GTF2H1: variants seen among roughly 807,000 people sequenced by gnomAD.
The protein encoded by GTF2H1 is BTF2 p62.
Under a neutral mutation model 71.2 loss-of-function variants are expected in GTF2H1, and 16 were observed. The observed-to-expected ratio is 0.22, with a 90% CI of 0.15 to 0.34. The LOEUF (loss-of-function observed/expected upper bound fraction) is 0.34, where lower values mean the gene tolerates loss of function less well. Among genes scored for constraint, GTF2H1 ranks in the 10% least tolerant of loss-of-function variants. GTF2H1 has a pLI of 1.00. For missense variants in GTF2H1, 498 were observed against 648.2 expected, an observed-to-expected ratio of 0.77 and a Z score of 2.52; for synonymous variants, 215 against 219.0, an observed-to-expected ratio of 0.98 and a Z score of 0.16.
chr11:18,333,555 T>G (rs4150563), intron 2 of GTF2H1: 27,388 of 174,586 alleles, frequency 0.16, 2,845 homozygotes, highest in Non-Finnish European at 0.22. Flanking sequence ...TTTCCAGAAT[T>G]TTTTTATTGC....
chr11:18,356,090 A>G (rs1023825081), intron 11 of GTF2H1, among the ~76,000 whole-genome samples: 14 of 152,100 alleles, frequency 9.2e-5, no homozygotes, highest in Non-Finnish European at 1.5e-4. Flanking sequence ...CAAGGTAGGA[A>G]CCAAGATCTG....
chr11:18,352,523 C>T (rs898805190), intron 11 of GTF2H1, 77 bp downstream of exon 11: 2 of 637,396 alleles, frequency 3.1e-6, no homozygotes, highest in Non-Finnish European at 5.7e-6. Flanking sequence ...CAGATTGAAC[C>T]ATACAACTAA....
intron 1 of GTF2H1, among the ~76,000 whole-genome samples, chr11:18,327,968 G>A (rs1204258125): frequency 6.6e-6 from 1 of 152,146 alleles, no homozygotes; most frequent in African/African-American, 2.4e-5. Context: ...CAGCACTTTG[G>A]GAGACTGAGG....
chr11:18,358,322 T>C (rs566388262), intron 12 of GTF2H1, among the ~76,000 whole-genome samples: 2 of 152,346 alleles, frequency 1.3e-5, no homozygotes, highest in East Asian at 3.9e-4. Context: ...AGGGGAAACC[T>C]GAAAGTTTCT....
At chr11:18,336,970 C>T (rs542793782) in intron 3 of GTF2H1, among the ~76,000 whole-genome samples, 1 of 152,104 alleles carries the variant, frequency 6.6e-6, no homozygotes, top group Non-Finnish European at 1.5e-5. Context: ...AGGCTGGTCT[C>T]AAACTCCTGA....
chr11:18,356,934 G>C lies in GTF2H1; in HGVS notation c.1261-1018G>C, dbSNP rs2133986587. 2.0e-5 allele frequency among the ~76,000 whole-genome samples: 3 copies of C among 151,790 alleles called. 1 individual carries two copies. The highest frequency in any genetic ancestry group is 7.3e-5 in the African/African-American group (3 of 41,376). On this transcript the variant is annotated intron_variant, in intron 11 of 14. Coordinates refer to ENST00000265963, the MANE Select transcript of GTF2H1 (RefSeq NM_005316.4). ...GCCTCCCAAGTAGCTAGGACTACAG[G>C]CATGCACCACCATGCCCAACTAATT...
At chr11:18,323,399 C>A (rs917171630) in intron 1 of GTF2H1, among the ~76,000 whole-genome samples, 1 of 151,914 alleles carries the variant, frequency 6.6e-6, no homozygotes, top group South Asian at 2.1e-4. Flanking sequence ...TGGGCTCAAG[C>A]GATTCTCCTG....
rs1476558141 is a variant in GTF2H1, at chr11:18,333,321, A to G, written c.154+93A>G. 3 of 931,148 alleles carry G rather than the reference A, an allele frequency of 3.2e-6. No homozygotes were observed. In the East Asian group the frequency reaches 8.2e-5, roughly 25 times the overall value. 57.7% of individuals were successfully genotyped at this position (931,148 alleles called of 1,614,324 possible). ...TATATAAATCTTTATTTTATATCAAAAAATCAACTATGTAGAAATAATTAC... is the reference window on the plus strand; with the variant it reads ...TATATAAATCTTTATTTTATATCAAGAAATCAACTATGTAGAAATAATTAC... On this transcript the variant is annotated intron_variant, in intron 2 of 14. Coordinates refer to ENST00000265963, the MANE Select transcript of GTF2H1 (RefSeq NM_005316.4).
chr11:18,347,170 C>G (rs1341834657), intron 7 of GTF2H1: 1 of 155,386 alleles, frequency 6.4e-6, no homozygotes, highest in African/African-American at 2.4e-5. Context: ...GTCAGGAGTT[C>G]AAGACCAGTC....
chr11:18,341,194 T>C (rs1355009854), intron 5 of GTF2H1, 67 bp from the exon 6 acceptor site: 1 of 1,239,248 alleles, frequency 8.1e-7, no homozygotes, highest in East Asian at 2.4e-5. Context: ...TGTATTTCAG[T>C]TACCTAATTT....
chr11:18,353,821 A>G (rs4150656), intron 11 of GTF2H1, among the ~76,000 whole-genome samples: 6,568 of 152,154 alleles, frequency 0.043, 475 homozygotes, highest in African/African-American at 0.15. Context: ...ATTTCCCTTT[A>G]CCCCTAAATA....
intron 11 of GTF2H1, among the ~76,000 whole-genome samples, chr11:18,355,827 A>G (rs1482066742): frequency 1.3e-5 from 2 of 152,210 alleles, no homozygotes; most frequent in African/African-American, 4.8e-5. Context: ...TGATAAACAC[A>G]TGCTGTTGTG....
chr11:18,357,817 C>T lies in GTF2H1; in HGVS notation c.1261-135C>T, dbSNP rs575458608. On this transcript the variant is annotated intron_variant, in intron 11 of 14. Coordinates refer to ENST00000265963, the MANE Select transcript of GTF2H1 (RefSeq NM_005316.4). ...CAAGGAAAATAGTTCACTTTGACCA[C>T]TGTAAATGATGTAGTATTTAAACAA... is the stretch of plus-strand genomic sequence containing the variant. The T allele has an allele frequency of 1.9e-4, 133 of 695,624 alleles. 1 individual carries two copies. The African/African-American group carries it at 1.9e-3, about 10-fold the overall frequency. 43.1% of individuals were successfully genotyped at this position (695,624 alleles called of 1,614,324 possible). A position where few individuals can be genotyped will look rare whatever the true frequency, so the allele number is the denominator to read the frequency against.
chr11:18,332,857 A>G (rs1864932656), intron 1 of GTF2H1: 1 of 430,270 alleles, frequency 2.3e-6, no homozygotes, highest in Non-Finnish European at 4.1e-6. Flanking sequence ...CACCTGTGGT[A>G]TGAGCAAAAT....
intron 11 of GTF2H1, among the ~76,000 whole-genome samples, chr11:18,356,667 C>T (rs1865555676): frequency 2.0e-5 from 3 of 152,078 alleles, no homozygotes; most frequent in Admixed American, 2.0e-4. Context: ...TTACTGCAAC[C>T]TTGAACTCCT....
At chr11:18,343,755 C>A (rs1294247289) in intron 7 of GTF2H1, among the ~76,000 whole-genome samples, 1 of 152,166 alleles carries the variant, frequency 6.6e-6, no homozygotes, top group Non-Finnish European at 1.5e-5. Flanking sequence ...ATAAACGTAT[C>A]TCCATGGGTA....
At position 18,366,070 on chromosome 11, in the gene GTF2H1, T is replaced by G. The variant is rs1865817595; in HGVS notation, c.*201T>G. The G allele has an allele frequency of 1.7e-6, 1 of 578,656 alleles. No homozygotes were observed. The highest frequency in any genetic ancestry group is 3.1e-6 in the Non-Finnish European group (1 of 324,206). 35.8% of individuals were successfully genotyped at this position (578,656 alleles called of 1,614,324 possible). A position where few individuals can be genotyped will look rare whatever the true frequency, so the allele number is the denominator to read the frequency against. ...AAGAAGGGACTAAATGCTGGGGAGG[T>G]AAATTAAGACAGAACCAAATGAGCT... On this transcript the variant is annotated 3_prime_UTR_variant, in exon 15 of 15. Coordinates refer to ENST00000265963, the MANE Select transcript of GTF2H1 (RefSeq NM_005316.4).
intron 1 of GTF2H1, among the ~76,000 whole-genome samples, chr11:18,326,579 A>C (rs1037259729): frequency 2.0e-5 from 3 of 151,530 alleles, no homozygotes; most frequent in Non-Finnish European, 4.4e-5. Context: ...CTCATGATGT[A>C]TTCTCCACTT....
chr11:18,336,041 G>T, intron 3 of GTF2H1, 95 bp downstream of exon 3: 8 of 784,236 alleles, frequency 1.0e-5, no homozygotes, highest in South Asian at 2.7e-5. Context: ...ACGTTTTTTC[G>T]GTTTTGGTTT....
Sources: gnomAD v4.1 joint callset for allele counts (sites outside exome capture counted in the v4.1 genomes callset) on GRCh38, gnomAD v4.1.1 for gene constraint, MANE v1.5 for transcripts, NCBI Gene and HGNC (gene_info 2026-07-23, HGNC 2026-07-21) for gene names.